ETS1: variants seen among roughly 807,000 people sequenced by gnomAD.
ETS1 encodes the protein ETS proto-oncogene 1, transcription factor, also known as protein C-ets-1.
ETS1 carries 15 observed loss-of-function variants against 58.6 expected under a neutral mutation model. That is an observed-to-expected ratio of 0.26 (90% CI 0.17 to 0.39). The LOEUF is 0.39. ETS1 is among the 10% of genes least tolerant of loss of function. The pLI is 1.00. For synonymous variants in ETS1, 214 were observed against 218.2 expected (o/e 0.98, Z 0.17); for missense variants, 417 against 610.5 (o/e 0.68, Z 3.34).
chr11:128,480,334 T>C lies in ETS1; in HGVS notation c.980A>G (p.Tyr327Cys). ...SFNSLQRVPS[Y>C]DSFDSEDYPA... is the part of the protein sequence containing the mutation. The stretch of plus-strand genomic sequence containing the variant: ...ATAGTCCTCTGAGTCGAAGCTGTCA[T>C]AGGAGGGAACACGCTGCAGGCTGTT... The change falls in exon 8 of 10, where the codon TAT (tyrosine) becomes TGT (cysteine). Residue 327 changes from tyrosine (Y) to cysteine (C), a missense_variant. Tyr to Cys is a radical substitution (Grantham distance 194). This residue lies in a region of ETS1 where 139 missense variants were observed against 152.1 expected (regional missense o/e 0.91). Transcript: ENST00000392668. 2 of 1,613,938 alleles carry C rather than the reference T, an allele frequency of 1.2e-6. No individual in the cohort carries two copies. The highest frequency in any genetic ancestry group is 1.7e-6 in the Non-Finnish European group (2 of 1,179,950).
chr11:128,460,092 ACACAC>A lies in ETS1; in HGVS notation c.*2264_*2268del, dbSNP rs369942096. On this transcript the variant is annotated 3_prime_UTR_variant, in exon 10 of 10. Transcript: ENST00000392668. The stretch of plus-strand genomic sequence containing the variant: ...TGCAAACACACACACACACACACAC[ACACAC>A]ACACACACACACACACACAACATTC... 65,081 of 151,452 alleles carry A rather than the reference ACACAC, an allele frequency of 0.43. 15,144 individuals carry two copies. Among genetic ancestry groups the A allele is most frequent in the Middle Eastern group, 0.59 (172 of 292 alleles). The allele number at this position is 151,452 out of a possible 1,614,324, so 9.4% of individuals were successfully genotyped here. A position where few individuals can be genotyped will look rare whatever the true frequency, so the allele number is the denominator to read the frequency against.
intron 3 of ETS1, chr11:128,536,919 G>A (rs550494501): frequency 1.3e-5 from 2 of 152,198 alleles, no homozygotes; most frequent in South Asian, 2.1e-4. Flanking sequence ...TCTTTCCTTT[G>A]ATTAAAACAA....
intron 3 of ETS1, among the ~76,000 whole-genome samples, chr11:128,492,791 C>G (rs186593076): frequency 1.3e-5 from 2 of 151,624 alleles, no homozygotes; most frequent in Non-Finnish European, 2.9e-5. Flanking sequence ...GAGTAGAAAT[C>G]AGTTTTACTT....
intron 3 of ETS1, chr11:128,526,903 G>C: frequency 2.2e-6 from 1 of 456,108 alleles, no homozygotes; most frequent in Non-Finnish European, 4.4e-6. Flanking sequence ...TGAAAAATGA[G>C]TGTGAGTGAG....
chr11:128,570,758 T>G (rs1396990454), intron 2 of ETS1, among the ~76,000 whole-genome samples: 1 of 152,208 alleles, frequency 6.6e-6, no homozygotes, highest in South Asian at 2.1e-4. Flanking sequence ...AATAATGACC[T>G]CTATGTGAGG....
At chr11:128,544,617 A>T (rs1864105352) in intron 3 of ETS1, among the ~76,000 whole-genome samples, 1 of 151,982 alleles carries the variant, frequency 6.6e-6, no homozygotes, top group Admixed American at 6.6e-5. Flanking sequence ...GCTTTTCCTA[A>T]AGAATTCGCA....
chr11:128,549,325 A>T lies in ETS1; in HGVS notation c.214+6966T>A, dbSNP rs1591656208. On this transcript the variant is annotated intron_variant, in intron 3 of 9. Transcript: ENST00000392668. The surrounding 1 kb of genome is among the most constrained non-coding windows in gnomAD (Gnocchi z 4.3). ...GCTCCGGCTCCCACCTCATCGGCCC[A>T]CCCGAAGATGTCCATTCACCCAGTG... Among the ~76,000 whole-genome samples, 1 of 123,624 alleles carries T rather than the reference A, an allele frequency of 8.1e-6. No individual in the cohort carries two copies. Among genetic ancestry groups the T allele is most frequent in the South Asian group, 2.7e-4 (1 of 3,670 alleles). The allele number at this position is 123,624 out of a possible 152,430, so 81.1% of individuals were successfully genotyped here.
At chr11:128,547,563 G>A (rs141111453) in intron 3 of ETS1, among the ~76,000 whole-genome samples, 20 of 152,182 alleles carry the variant, frequency 1.3e-4, no homozygotes, top group African/African-American at 4.8e-4. Context: ...TGCCTCTCAG[G>A]CACTACTTCA....
At chr11:128,581,127 T>C (rs1864862485) in intron 1 of ETS1, among the ~76,000 whole-genome samples, 1 of 152,210 alleles carries the variant, frequency 6.6e-6, no homozygotes, top group South Asian at 2.1e-4. Context: ...CATTTCCTTC[T>C]CAGTGGAAAC....
chr11:128,530,137 G>C (rs768165909), intron 3 of ETS1: 3 of 152,182 alleles, frequency 2.0e-5, no homozygotes, highest in Non-Finnish European at 4.4e-5. Flanking sequence ...AATTTCTCCA[G>C]CGTTACAGCT....
At chr11:128,535,122 G>A (rs1316113182) in intron 3 of ETS1, among the ~76,000 whole-genome samples, 1 of 152,092 alleles carries the variant, frequency 6.6e-6, no homozygotes, top group Non-Finnish European at 1.5e-5. Context: ...TCGTCATTCT[G>A]ACTGGCATGA....
intron 3 of ETS1, 114 bp downstream of exon 3, chr11:128,556,177 G>A (rs1456130744): frequency 1.1e-6 from 1 of 888,982 alleles, no homozygotes; most frequent in Non-Finnish European, 1.7e-6. Context: ...AAGAACAATA[G>A]CATCTGTACC....
rs919017587 is a variant in ETS1 at position 128,461,326 on chromosome 11, G to A, written c.*1035C>T. 4 of 152,756 alleles carry A rather than the reference G, an allele frequency of 2.6e-5. No homozygotes were observed. Among genetic ancestry groups the A allele is most frequent in the Non-Finnish European group, 5.9e-5 (4 of 68,036 alleles). The allele number at this position is 152,756 out of a possible 1,614,324, so 9.5% of individuals were successfully genotyped here. On this transcript the variant is annotated 3_prime_UTR_variant, in exon 10 of 10. Transcript: ENST00000392668. Reference sequence around the variant, plus strand: ...ATGCTACAGATATAGGACTAAGAAAGAACCAAGTCAATCTTCCTCCTTCGA... The same window carrying A: ...ATGCTACAGATATAGGACTAAGAAAAAACCAAGTCAATCTTCCTCCTTCGA...
At chr11:128,522,178 G>C in intron 3 of ETS1, 1 of 1,272,332 alleles carries the variant, frequency 7.9e-7, no homozygotes, top group Non-Finnish European at 9.9e-7. Context: ...GGCACTCCAG[G>C]GGAAGTTGGC....
chr11:128,521,860 C>A lies in ETS1; in HGVS notation c.215-31284G>T, dbSNP rs550019951. On this transcript the variant is annotated intron_variant, in intron 3 of 9. Transcript: ENST00000392668. ...CGAAAGGGGGAAGAAGTCCAGGGGA[C>A]CCCCGGCCTCTGGCCGAGAGCTTGG... 15 of 1,496,620 alleles carry A rather than the reference C, an allele frequency of 1.0e-5. No individual in the cohort carries two copies. In the African/African-American group the frequency reaches 1.4e-4, roughly 14 times the overall value. 92.7% of individuals were successfully genotyped at this position (1,496,620 alleles called of 1,614,324 possible).
intron 3 of ETS1, among the ~76,000 whole-genome samples, chr11:128,495,869 T>C (rs1862925077): frequency 6.6e-6 from 1 of 152,246 alleles, no homozygotes; most frequent in Admixed American, 6.5e-5. Flanking sequence ...AGGTGGTGTC[T>C]ATATCCCTCA....
In ETS1 at chr11:128,549,794, TCTC is replaced by T. The variant is rs1460073498; in HGVS notation, c.214+6494_214+6496del. 3.9e-5 allele frequency among the ~76,000 whole-genome samples: 6 copies of T among 152,276 alleles called. No individual in the cohort carries two copies. Among genetic ancestry groups the T allele is most frequent in the African/African-American group, 1.4e-4 (6 of 41,564 alleles). On this transcript the variant is annotated intron_variant, in intron 3 of 9. Coordinates refer to ENST00000392668, the MANE Select transcript of ETS1 (RefSeq NM_001143820.2). This position sits in a 1 kb window ranked among gnomAD's most constrained non-coding sequence, Gnocchi z 4.3. ...ACTCCTGAGAGCATGGGGTCTCTGG[TCTC>T]TAACCTGGGTGTGCAGCTCTTTCTG...
At chr11:128,468,252 A>G (rs1297015525) in intron 8 of ETS1, among the ~76,000 whole-genome samples, 1 of 152,208 alleles carries the variant, frequency 6.6e-6, no homozygotes, top group Non-Finnish European at 1.5e-5. Flanking sequence ...CATTTGGGTC[A>G]TATTTCCTTG....
chr11:128,546,479 A>C (rs1182851672), intron 3 of ETS1, among the ~76,000 whole-genome samples: 1 of 152,190 alleles, frequency 6.6e-6, no homozygotes, highest in African/African-American at 2.4e-5. Flanking sequence ...AAAATGGTGT[A>C]GTATTTGCAA....
Sources: allele counts gnomAD v4.1 joint callset (sites outside exome capture counted in the v4.1 genomes callset), GRCh38; gene constraint gnomAD v4.1.1; regional missense constraint gnomAD v4.1.1; non-coding constraint Gnocchi (gnomAD v3.1); transcripts MANE v1.5; gene names NCBI Gene and HGNC (gene_info 2026-07-23, HGNC 2026-07-21).